The following RALYL variants were observed in gnomAD, a reference collection of about 807,000 sequenced individuals.
The protein encoded by RALYL is RNA-binding Raly-like protein.
RALYL carries 29 observed loss-of-function variants against 35.1 expected under a neutral mutation model. The ratio of observed to expected loss-of-function variants is 0.83; its 90% CI spans 0.61 to 1.13. RALYL has a LOEUF of 1.13. Ranked by LOEUF, RALYL falls within the 50% of genes most tolerant of loss-of-function variation. The pLI is 0.00. For synonymous variants in RALYL, 120 were observed against 127.6 expected (o/e 0.94, Z 0.40); for missense variants, 359 against 360.4 (o/e 1.00, Z 0.03).
At chr8:84,476,142 G>T (rs964877396) in intron 1 of RALYL, among the ~76,000 whole-genome samples, 1 of 152,136 alleles carries the variant, frequency 6.6e-6, no homozygotes, top group Non-Finnish European at 1.5e-5. Context: ...TGCCAGTAAA[G>T]AAATAAGGTA....
At chr8:84,559,109 T>A (rs1479047059) in intron 2 of RALYL, among the ~76,000 whole-genome samples, 1 of 152,070 alleles carries the variant, frequency 6.6e-6, no homozygotes, top group Non-Finnish European at 1.5e-5. Flanking sequence ...TTTTTTAAAT[T>A]ACTGAGTGAT....
chr8:84,832,713 A>T (rs1831168753), intron 4 of RALYL, among the ~76,000 whole-genome samples: 2 of 152,250 alleles, frequency 1.3e-5, no homozygotes, highest in African/African-American at 4.8e-5. Context: ...TTAACTTGAA[A>T]AATATCCCAG....
rs1026246652 is a variant in RALYL at position 84,921,797 on chromosome 8, G to A, written c.*886G>A. ...GAAACCATCTTCACAGACCGTAGGA[G>A]AATTCAACATATAATTTCTTAATAA... On this transcript the variant is annotated 3_prime_UTR_variant, in exon 9 of 9. Coordinates refer to ENST00000521268, the MANE Select transcript of RALYL (RefSeq NM_173848.7). The A allele has an allele frequency of 6.6e-6, 1 of 152,160 alleles. No individual in the cohort carries two copies. The highest frequency in any genetic ancestry group is 1.5e-5 in the Non-Finnish European group (1 of 68,004). 9.4% of individuals were successfully genotyped at this position (152,160 alleles called of 1,614,324 possible).
chr8:84,680,702 T>C (rs1835276702), intron 2 of RALYL, among the ~76,000 whole-genome samples: 2 of 152,148 alleles, frequency 1.3e-5, no homozygotes, highest in African/African-American at 2.4e-5. Flanking sequence ...GGTTGTTTGT[T>C]TTTTTTCTTG....
intron 2 of RALYL, among the ~76,000 whole-genome samples, chr8:84,618,186 A>G (rs1342724551): frequency 1.3e-5 from 2 of 151,730 alleles, no homozygotes; most frequent in East Asian, 1.9e-4. Flanking sequence ...TCTTCCTTGT[A>G]CCTCTGGTAG....
chr8:84,842,581 C>G (rs945334758), intron 4 of RALYL, among the ~76,000 whole-genome samples: 6 of 152,124 alleles, frequency 3.9e-5, no homozygotes, highest in Admixed American at 2.6e-4. Flanking sequence ...CTATTCCAAT[C>G]AATAGAAAAA....
intron 2 of RALYL, among the ~76,000 whole-genome samples, chr8:84,771,269 T>G (rs772410854): frequency 1.3e-5 from 2 of 152,060 alleles, no homozygotes; most frequent in Non-Finnish European, 2.9e-5. Flanking sequence ...AGTATTCCTT[T>G]TGGTAAATAT....
intron 1 of RALYL, among the ~76,000 whole-genome samples, chr8:84,470,202 C>G (rs1053738411): frequency 6.6e-6 from 1 of 152,128 alleles, no homozygotes; most frequent in Non-Finnish European, 1.5e-5. Context: ...TTTTAAATTA[C>G]TTGATTAAAG....
At chr8:84,702,509 C>T (rs1482280313) in intron 2 of RALYL, among the ~76,000 whole-genome samples, 4 of 149,842 alleles carry the variant, frequency 2.7e-5, no homozygotes, top group Non-Finnish European at 4.4e-5. Context: ...TAGCATAGGG[C>T]TAGTTGCATA....
At chr8:84,666,084 T>C (rs151031161) in intron 2 of RALYL, among the ~76,000 whole-genome samples, 144 of 152,180 alleles carry the variant, frequency 9.5e-4, no homozygotes, top group African/African-American at 3.2e-3. Context: ...TTTAGATCTG[T>C]ATATGTTTTG....
chr8:84,649,600 G>T (rs2131495088), intron 2 of RALYL, among the ~76,000 whole-genome samples: 1 of 152,156 alleles, frequency 6.6e-6, no homozygotes, highest in African/African-American at 2.4e-5. Flanking sequence ...TAGATATGCG[G>T]CGTTATTTCT....
chr8:84,492,571 A>G (rs145750099), intron 1 of RALYL, among the ~76,000 whole-genome samples: 53 of 152,172 alleles, frequency 3.5e-4, no homozygotes, highest in African/African-American at 1.2e-3. Flanking sequence ...ATCAAACTGA[A>G]TATTTTATGA....
chr8:84,502,814 C>A (rs2056817865), intron 1 of RALYL, among the ~76,000 whole-genome samples: 1 of 151,094 alleles, frequency 6.6e-6, no homozygotes, highest in African/African-American at 2.4e-5. Context: ...TAAATAATGG[C>A]TTGATAAATT....
intron 2 of RALYL, among the ~76,000 whole-genome samples, chr8:84,578,023 G>T (rs1343764454): frequency 1.3e-5 from 2 of 152,202 alleles, no homozygotes; most frequent in Non-Finnish European, 2.9e-5. Flanking sequence ...CACTGGGCTT[G>T]TTCCACCCAC....
At chr8:84,789,283 A>G (rs1820258931) in intron 3 of RALYL, among the ~76,000 whole-genome samples, 1 of 152,212 alleles carries the variant, frequency 6.6e-6, no homozygotes, top group Admixed American at 6.5e-5. Context: ...TGACCCACAA[A>G]TTACAGATAA....
chr8:84,531,086 A>AT (rs950121765), intron 2 of RALYL, among the ~76,000 whole-genome samples: 4 of 152,160 alleles, frequency 2.6e-5, no homozygotes, highest in African/African-American at 7.2e-5. Flanking sequence ...CTGTGTGTTA[A>AT]TTTTTTTCAT....
intron 1 of RALYL, among the ~76,000 whole-genome samples, chr8:84,419,056 T>C (rs893334689): frequency 3.9e-5 from 6 of 152,160 alleles, no homozygotes; most frequent in Admixed American, 3.9e-4. Flanking sequence ...TCTCTCCAAC[T>C]CCGTATGTAA....
At chr8:84,323,375 CTAGCTATAAAAAGCATT>C in intron 1 of RALYL, among the ~76,000 whole-genome samples, 1 of 152,078 alleles carries the variant, frequency 6.6e-6, no homozygotes, top group East Asian at 1.9e-4. Context: ...AGCTAACAAG[CTAGCTATAAAAAGCATT>C]TCCAATTTCT....
rs575705877 is a variant in RALYL, at chr8:84,792,143, T to C, written c.333-12627T>C. Among the ~76,000 whole-genome samples the C allele has an allele frequency of 7.2e-5, 11 of 152,364 alleles. No homozygotes were observed. The South Asian group carries it at 2.1e-3, about 29-fold the overall frequency. On this transcript the variant is annotated intron_variant, in intron 3 of 8. Transcript: ENST00000521268. ...TTTAGCCTTGCCATCTGAAGACAGC[T>C]TAAGTGTTAACTAGCTCAGTACCCT...
Sources: gnomAD v4.1 joint callset for allele counts (sites outside exome capture counted in the v4.1 genomes callset) on GRCh38, gnomAD v4.1.1 for gene constraint, MANE v1.5 for transcripts, NCBI Gene and HGNC (gene_info 2026-07-23, HGNC 2026-07-21) for gene names.